The following SLC24A4 variants were observed in gnomAD, a reference collection of about 807,000 sequenced individuals.
The protein encoded by SLC24A4 is sodium/potassium/calcium exchanger 4.
SLC24A4 carries 53 observed loss-of-function variants against 79.0 expected under a neutral mutation model. That is an observed-to-expected ratio of 0.67 (90% confidence interval 0.54 to 0.84). The LOEUF is 0.84. SLC24A4 is among the 40% of genes least tolerant of loss of function. The pLI is 0.00. For missense variants in SLC24A4, 731 were observed against 822.0 expected, an observed-to-expected ratio of 0.89 and a Z score of 1.35; for synonymous variants, 323 against 323.8, an observed-to-expected ratio of 1.00 and a Z score of 0.03.
chr14:92,484,903 G>A (rs547017196), intron 13 of SLC24A4: 5 of 985,068 alleles, frequency 5.1e-6, no homozygotes, highest in East Asian at 1.1e-4. Context: ...TTTGGCCACT[G>A]AGTAGTGTGA....
intron 2 of SLC24A4, among the ~76,000 whole-genome samples, chr14:92,379,503 C>T (rs891275654): frequency 2.0e-5 from 3 of 152,080 alleles, no homozygotes; most frequent in Non-Finnish European, 2.9e-5. Flanking sequence ...GGCTTCAGCC[C>T]GAGTTTGTTG....
chr14:92,467,456 T>C (rs911502515), intron 12 of SLC24A4, among the ~76,000 whole-genome samples: 8 of 152,204 alleles, frequency 5.3e-5, no homozygotes, highest in African/African-American at 1.7e-4. Context: ...TCATACTTAA[T>C]GGTGAAAGAC....
intron 12 of SLC24A4, among the ~76,000 whole-genome samples, chr14:92,468,337 C>T (rs1306106473): frequency 2.6e-5 from 4 of 152,092 alleles, no homozygotes; most frequent in Non-Finnish European, 5.9e-5. Context: ...GATAATAGTC[C>T]TCAGATTGAT....
intron 10 of SLC24A4, among the ~76,000 whole-genome samples, chr14:92,449,463 G>C (rs1439386455): frequency 6.6e-6 from 1 of 152,196 alleles, no homozygotes; most frequent in Non-Finnish European, 1.5e-5. Flanking sequence ...CCAGGAAAGA[G>C]AAAAACCACA....
chr14:92,459,902 T>C (rs555765690), intron 12 of SLC24A4, among the ~76,000 whole-genome samples: 124 of 150,916 alleles, frequency 8.2e-4, no homozygotes, highest in Non-Finnish European at 1.6e-3. Flanking sequence ...CACCCACCCC[T>C]TGTTCAGGTT....
At chr14:92,393,998 G>A (rs983457792) in intron 2 of SLC24A4, among the ~76,000 whole-genome samples, 1 of 151,616 alleles carries the variant, frequency 6.6e-6, no homozygotes, top group Non-Finnish European at 1.5e-5. Context: ...GTGAAAGAGC[G>A]AGATTTGGTC....
chr14:92,445,409 G>C, intron 8 of SLC24A4, 67 bp downstream of exon 8: 1 of 1,509,224 alleles, frequency 6.6e-7, no homozygotes, highest in Non-Finnish European at 9.1e-7. Context: ...TTATTTGTTG[G>C]GTTCCCTGAA....
At chr14:92,380,532 AT>A (rs1888784002) in intron 2 of SLC24A4, among the ~76,000 whole-genome samples, 1 of 152,206 alleles carries the variant, frequency 6.6e-6, no homozygotes, top group Admixed American at 6.5e-5. Context: ...TAAATGGGAC[AT>A]CTCTCAATGG....
intron 2 of SLC24A4, among the ~76,000 whole-genome samples, chr14:92,423,858 G>A (rs2141824276): frequency 6.6e-6 from 1 of 152,302 alleles, no homozygotes; most frequent in East Asian, 1.9e-4. Flanking sequence ...TGCCTTCCCA[G>A]GGCTGCCATA....
intron 2 of SLC24A4, among the ~76,000 whole-genome samples, chr14:92,400,488 C>T (rs190827898): frequency 9.1e-4 from 138 of 151,082 alleles, no homozygotes; most frequent in Non-Finnish European, 1.6e-3. Flanking sequence ...TACACACAGC[C>T]GGAGTGCAGT....
intron 2 of SLC24A4, among the ~76,000 whole-genome samples, chr14:92,357,764 G>A (rs1452095114): frequency 2.0e-5 from 3 of 152,216 alleles, no homozygotes; most frequent in East Asian, 3.8e-4. Flanking sequence ...GCGCTGGACG[G>A]GGGTGATGGT....
At chr14:92,425,237 G>T (rs1459899548) in intron 2 of SLC24A4, among the ~76,000 whole-genome samples, 1 of 152,170 alleles carries the variant, frequency 6.6e-6, no homozygotes, top group African/African-American at 2.4e-5. Context: ...CTCCAGAACT[G>T]GGAGAAAGTA....
intron 5 of SLC24A4, 145 bp downstream of exon 5, chr14:92,442,318 T>C: frequency 1.6e-6 from 1 of 631,458 alleles, no homozygotes; most frequent in Non-Finnish European, 2.8e-6. Context: ...GACTGGTGGT[T>C]TCTTGGGGCA....
chr14:92,451,384 C>T (rs1325222718), intron 10 of SLC24A4: 1 of 152,308 alleles, frequency 6.6e-6, no homozygotes, highest in African/African-American at 2.4e-5. Flanking sequence ...CCGGTAACAC[C>T]CTGGGTGGGA....
intron 12 of SLC24A4, among the ~76,000 whole-genome samples, 186 bp from the exon 13 acceptor site, chr14:92,482,494 A>T (rs1488365227): frequency 6.6e-6 from 1 of 152,234 alleles, no homozygotes; most frequent in Non-Finnish European, 1.5e-5. Context: ...ACACTTACTG[A>T]ATTGTCTTGC....
At chr14:92,339,772 G>T (rs571157682) in intron 2 of SLC24A4, among the ~76,000 whole-genome samples, 5 of 152,358 alleles carry the variant, frequency 3.3e-5, no homozygotes, top group African/African-American at 9.6e-5. Flanking sequence ...GTTTTAGGAG[G>T]TTAGATCTGC....
chr14:92,415,704 C>A (rs1319751279), intron 2 of SLC24A4, among the ~76,000 whole-genome samples: 2 of 152,148 alleles, frequency 1.3e-5, no homozygotes, highest in Admixed American at 1.3e-4. Context: ...GTGATCCACC[C>A]ACCTTGGCCT....
At chr14:92,493,100 G>A (rs1042379266) in intron 16 of SLC24A4, among the ~76,000 whole-genome samples, 1 of 151,702 alleles carries the variant, frequency 6.6e-6, no homozygotes, top group East Asian at 1.9e-4. Context: ...ATGGTTCCAC[G>A]CTCTGAAGCA....
chr14:92,465,689 G>A (rs1011128337), intron 12 of SLC24A4, among the ~76,000 whole-genome samples: 21 of 152,154 alleles, frequency 1.4e-4, no homozygotes, highest in Admixed American at 1.1e-3. Context: ...TGTGTCACTC[G>A]ACTGTGCCTG....
Sources: gnomAD v4.1 joint callset for allele counts (sites outside exome capture counted in the v4.1 genomes callset) on GRCh38, gnomAD v4.1.1 for gene constraint, MANE v1.5 for transcripts, NCBI Gene and HGNC (gene_info 2026-07-23, HGNC 2026-07-21) for gene names.